Variants in EBF4 observed in about 807,000 individuals in gnomAD.
The protein encoded by EBF4 is transcription factor COE4.
A neutral mutation model predicts 67.1 loss-of-function variants in EBF4; 34 were observed. The ratio of observed to expected loss-of-function variants is 0.51; its 90% CI spans 0.39 to 0.67. EBF4 has a LOEUF of 0.67. Ranked by LOEUF, EBF4 falls within the 30% of genes least tolerant of loss-of-function variation. The probability of loss-of-function intolerance (pLI) is 0.00; values close to 1 mark genes in which losing one functional copy is unlikely to be tolerated. For missense variants in EBF4, 837 were observed against 873.3 expected (o/e 0.96, Z 0.52); for synonymous variants, 387 against 377.7 (o/e 1.02, Z -0.29).
chr20:2,751,637 G>C lies in EBF4; in HGVS notation c.1019-63G>C, dbSNP rs1600244034. On this transcript the variant is annotated intron_variant, in intron 10 of 16. Transcript: ENST00000609451. The surrounding 1 kb of genome is among the most constrained non-coding windows in gnomAD (Gnocchi z 5.2). ...CGCTGGCCTGCTTTTGGCGCCCTGC[G>C]TCTCACCCTGGGAGTGGGGGGCTGC... is the stretch of plus-strand genomic sequence containing the variant. The C allele has an allele frequency of 5.9e-6, 9 of 1,516,990 alleles. No homozygotes were observed. The East Asian group carries it at 2.0e-4, about 33-fold the overall frequency. 94.0% of individuals were successfully genotyped at this position (1,516,990 alleles called of 1,614,324 possible).
rs537420725 is a variant in EBF4 at position 2,707,190 on chromosome 20, G to A, written c.415-757G>A. 6.6e-6 allele frequency among the ~76,000 whole-genome samples: 1 copy of A among 152,314 alleles called. No individual in the cohort carries two copies. Among genetic ancestry groups the A allele is most frequent in the East Asian group, 1.9e-4 (1 of 5,190 alleles). ...TAGAATACCCATGGCCACTGGGCTG[G>A]GGGAGGCAGGCCAGGCAGTGCCTAG... On this transcript the variant is annotated intron_variant, in intron 4 of 16. Transcript: ENST00000609451. The surrounding 1 kb of genome is among the most constrained non-coding windows in gnomAD (Gnocchi z 4.6).
intron 6 of EBF4, among the ~76,000 whole-genome samples, chr20:2,734,631 TG>T (rs1487831290): frequency 1.3e-5 from 2 of 152,212 alleles, no homozygotes; most frequent in Non-Finnish European, 2.9e-5. Context: ...TATTGCTGTT[TG>T]TTTGTTTAGT....
At chr20:2,753,733 G>A (rs562875796) in intron 14 of EBF4, among the ~76,000 whole-genome samples, 8 of 152,346 alleles carry the variant, frequency 5.3e-5, no homozygotes, top group East Asian at 1.9e-4. Flanking sequence ...CTTGCAGGGC[G>A]TGTGTCCTGC....
At chr20:2,697,842 T>G (rs1281668309) in intron 1 of EBF4, among the ~76,000 whole-genome samples, 3 of 152,236 alleles carry the variant, frequency 2.0e-5, no homozygotes, top group African/African-American at 7.2e-5. Flanking sequence ...TCTGATGTGC[T>G]TCCCAGTCTG....
At chr20:2,723,285 T>C (rs1240717213) in intron 6 of EBF4, among the ~76,000 whole-genome samples, 1 of 152,234 alleles carries the variant, frequency 6.6e-6, no homozygotes, top group Non-Finnish European at 1.5e-5. Flanking sequence ...TACTTTTTAC[T>C]CTGCATTTAT....
At chr20:2,694,736 G>A (rs1270130297) in intron 1 of EBF4, among the ~76,000 whole-genome samples, 1 of 152,080 alleles carries the variant, frequency 6.6e-6, no homozygotes, top group Non-Finnish European at 1.5e-5. Context: ...TGCAGACCGG[G>A]CCTGACACAG....
chr20:2,740,408 T>C lies in EBF4; in HGVS notation c.558-8141T>C, dbSNP rs143951382. ...CCAGTGCTTAGTAGCCATGCGTGGC[T>C]AATGCATATCATTCTGGAAAAAGTT... On this transcript the variant is annotated intron_variant, in intron 6 of 16. Transcript: ENST00000609451. 2.4e-3 allele frequency among the ~76,000 whole-genome samples: 360 copies of C among 152,368 alleles called. 1 individual carries two copies. The highest frequency in any genetic ancestry group is 4.1e-3 in the Non-Finnish European group (277 of 68,036).
chr20:2,741,187 C>G (rs761021315), intron 6 of EBF4, among the ~76,000 whole-genome samples: 2 of 152,110 alleles, frequency 1.3e-5, no homozygotes, highest in Admixed American at 6.5e-5. Flanking sequence ...GTAGTGTGAC[C>G]TGTAGTCCCA....
At chr20:2,742,729 C>A (rs952552821) in intron 6 of EBF4, among the ~76,000 whole-genome samples, 4 of 152,100 alleles carry the variant, frequency 2.6e-5, no homozygotes, top group Non-Finnish European at 5.9e-5. Context: ...TCAGGAAAAA[C>A]GGGCTTTCCT....
rs896446111 is a variant in EBF4, at chr20:2,693,988, C to T, written c.137+206C>T. On this transcript the variant is annotated intron_variant, in intron 1 of 16. Coordinates refer to ENST00000609451, the Ensembl canonical transcript of EBF4. The surrounding 1 kb of genome is among the most constrained non-coding windows in gnomAD (Gnocchi z 4.6). The stretch of plus-strand genomic sequence containing the variant: ...CTGGGGCGGGGCTTCTGCCTCCACT[C>T]CGGGCTGCCCCGGTAGATTTCTGAC... Among the ~76,000 whole-genome samples, 4 of 152,212 alleles carry T rather than the reference C, an allele frequency of 2.6e-5. No individual in the cohort carries two copies. Among genetic ancestry groups the T allele is most frequent in the African/African-American group, 9.6e-5 (4 of 41,454 alleles).
At chr20:2,717,447 A>G (rs1355679842) in intron 6 of EBF4, among the ~76,000 whole-genome samples, 2 of 152,246 alleles carry the variant, frequency 1.3e-5, no homozygotes, top group African/African-American at 4.8e-5. Flanking sequence ...GAGGTAGTCA[A>G]TTAAGCCAAA....
rs374202552 is a variant in EBF4, at chr20:2,737,077, G to A, written c.558-11472G>A. Among the ~76,000 whole-genome samples, 90 of 151,756 alleles carry A rather than the reference G, an allele frequency of 5.9e-4. 2 individuals carry two copies. The East Asian group carries it at 6.7e-3, about 11-fold the overall frequency. ...ATCCTGGCTAACACGGTGAAACCCC[G>A]TCTCTACTAAAAATACCAAAAAATT... On this transcript the variant is annotated intron_variant, in intron 6 of 16. Coordinates refer to ENST00000609451, the Ensembl canonical transcript of EBF4.
intron 6 of EBF4, among the ~76,000 whole-genome samples, chr20:2,731,957 A>T (rs16988073): frequency 6.6e-6 from 1 of 152,170 alleles, no homozygotes; most frequent in Non-Finnish European, 1.5e-5. Flanking sequence ...TATCAGTTGC[A>T]TGCTAGGTTG....
At chr20:2,740,450 T>C (rs2087951064) in intron 6 of EBF4, among the ~76,000 whole-genome samples, 1 of 152,256 alleles carries the variant, frequency 6.6e-6, no homozygotes, top group Non-Finnish European at 1.5e-5. Context: ...GGGAGCACTG[T>C]AATCTAGACA....
chr20:2,706,344 T>A, intron 4 of EBF4, 80 bp downstream of exon 4: 1 of 1,497,904 alleles, frequency 6.7e-7, no homozygotes, highest in Non-Finnish European at 9.1e-7. Context: ...GTGAGCCTCC[T>A]TGTTCCTGCC....
chr20:2,732,493 C>T (rs994617885), intron 6 of EBF4, among the ~76,000 whole-genome samples: 4 of 152,148 alleles, frequency 2.6e-5, no homozygotes, highest in African/African-American at 9.7e-5. Flanking sequence ...TATAACATGT[C>T]CTTCTTTGTC....
intron 6 of EBF4, among the ~76,000 whole-genome samples, chr20:2,737,693 G>A (rs753538143): frequency 1.3e-5 from 2 of 151,918 alleles, no homozygotes; most frequent in Non-Finnish European, 2.9e-5. Flanking sequence ...AGTTCAGGCC[G>A]GGCGCAGTGG....
rs143929858 is a variant in EBF4, at chr20:2,755,744, G to A, written c.1658G>A (p.Arg553Lys). The change falls in exon 15 of 17, where the codon AGG becomes AAG. Residue 553 changes from arginine to lysine, a missense_variant. Arg to Lys is a conservative substitution (Grantham distance 26). Coordinates refer to ENST00000609451, the Ensembl canonical transcript of EBF4. This position sits in a 1 kb window ranked among gnomAD's most constrained non-coding sequence, Gnocchi z 4.7. Reference sequence around the variant, plus strand: ...AACATGATCTCCGCCGTCAAACAGAGGAGCGCCTTCGCCCCCGTGCTGCGC... The same window carrying A: ...AACATGATCTCCGCCGTCAAACAGAAGAGCGCCTTCGCCCCCGTGCTGCGC... The A allele has an allele frequency of 2.9e-3, 4,496 of 1,551,024 alleles. 11 individuals are homozygous for A. The highest frequency in any genetic ancestry group is 3.7e-3 in the Non-Finnish European group (4,191 of 1,146,932).
At chr20:2,725,495 T>C (rs1016126832) in intron 6 of EBF4, among the ~76,000 whole-genome samples, 8 of 152,216 alleles carry the variant, frequency 5.3e-5, no homozygotes, top group African/African-American at 1.9e-4. Flanking sequence ...TTTGTAGTTA[T>C]TTTACATTCT....
Sources: gnomAD v4.1 joint callset for allele counts (sites outside exome capture counted in the v4.1 genomes callset) on GRCh38, gnomAD v4.1.1 for gene constraint, Gnocchi (gnomAD v3.1) non-coding constraint, MANE v1.5 for transcripts, NCBI Gene and HGNC (gene_info 2026-07-23, HGNC 2026-07-21) for gene names.